FPR1: variants seen among roughly 807,000 people sequenced by gnomAD.
The protein encoded by FPR1 is formyl peptide receptor 1, also known as N-formyl peptide receptor 1.
For synonymous variants in FPR1, 193 were observed against 176.7 expected (o/e 1.09, Z -0.73); for missense variants, 407 against 453.0 (o/e 0.90, Z 0.92).
At chr19:51,749,509 G>C (rs1417469378) in intron 1 of FPR1, among the ~76,000 whole-genome samples, 1 of 152,126 alleles carries the variant, frequency 6.6e-6, no homozygotes, top group East Asian at 1.9e-4. Context: ...CCATTGGATG[G>C]GCTCAGCACT....
intron 1 of FPR1, 46 bp downstream of exon 1, chr19:51,751,768 G>C (rs2083782724): frequency 6.6e-6 from 1 of 152,254 alleles, no homozygotes; most frequent in East Asian, 1.9e-4. Context: ...AGTGTATTAA[G>C]TGTGTCTATG....
chr19:51,745,886 C>G lies in FPR1; in HGVS notation c.*56G>C, dbSNP rs2083739223. On this transcript the variant is annotated 3_prime_UTR_variant, in exon 2 of 2. Coordinates refer to ENST00000304748, the MANE Select transcript of FPR1 (RefSeq NM_002029.4). ...AGGAAATGCCTGTGGCTCAGCCTAA[C>G]TCAAGGTGAGACGAAGCTGGAGCTG... The G allele has an allele frequency of 6.9e-7, 1 of 1,448,106 alleles. No individual in the cohort carries two copies. Among genetic ancestry groups the G allele is most frequent in the Admixed American group, 1.8e-5 (1 of 56,654 alleles). The allele number at this position is 1,448,106 out of a possible 1,614,324, so 89.7% of individuals were successfully genotyped here.
At chr19:51,747,336 G>A (rs7253355) in intron 1 of FPR1, among the ~76,000 whole-genome samples, 40,055 of 151,234 alleles carry the variant, frequency 0.26, 5,496 homozygotes, top group Middle Eastern at 0.32. Context: ...CTGCCTCAGC[G>A]TCCTGAGTAG....
Position 51,747,974 on chromosome 19 carries a change from TAAC to T in FPR1, c.-11-972_-11-970del, listed in dbSNP as rs200621756. On this transcript the variant is annotated intron_variant, in intron 1 of 1. Coordinates refer to ENST00000304748, the MANE Select transcript of FPR1 (RefSeq NM_002029.4). The stretch of plus-strand genomic sequence containing the variant: ...AGCCACATAGCAAGATCCTCATCTC[TAAC>T]AACAACAACAACAAAATTAAATTAA... 5.4e-3 allele frequency among the ~76,000 whole-genome samples: 826 copies of T among 152,038 alleles called. 20 individuals are homozygous for T. In the East Asian group the frequency reaches 0.089, roughly 16 times the overall value.
chr19:51,746,061 G>A lies in FPR1; in HGVS notation c.934C>T (p.Leu312=), dbSNP rs2083741372. The A allele has an allele frequency of 6.2e-7, 1 of 1,614,186 alleles. No homozygotes were observed. Among genetic ancestry groups the A allele is most frequent in the Admixed American group, 1.7e-5 (1 of 60,030 alleles). The change falls in exon 2 of 2, where the codon CTG becomes TTG. Residue 312 remains leucine, a synonymous_variant. Coordinates refer to ENST00000304748, the MANE Select transcript of FPR1 (RefSeq NM_002029.4). This position sits in a 1 kb window ranked among gnomAD's most constrained non-coding sequence, Gnocchi z 4.3. ...AGACTGGCGGGAAGGGCGTGGATCA[G>A]CCTCTCCCGGAAGTCCTGGCCCATG... ...VFMGQDFRER[L]IHALPASLER...
At position 51,746,926 on chromosome 19, in the gene FPR1, G is replaced by C; in HGVS notation, c.69C>G (p.Leu23=). 1.2e-6 allele frequency: 2 copies of C among 1,614,158 alleles called. No individual in the cohort carries two copies. The highest frequency in any genetic ancestry group is 8.5e-7 in the Non-Finnish European group (1 of 1,180,028). The part of the protein sequence containing the change: ...GGTPAVSAGY[L]FLDIITYLVF... ...CCAGATAAGTGATGATATCCAGGAAGAGATAGCCAGCAGATACAGCAGGTG... is the reference window on the plus strand; with the variant it reads ...CCAGATAAGTGATGATATCCAGGAACAGATAGCCAGCAGATACAGCAGGTG... The change falls in exon 2 of 2, where the codon CTC becomes CTG. Residue 23 remains leucine, a synonymous_variant. Transcript: ENST00000304748. This position sits in a 1 kb window ranked among gnomAD's most constrained non-coding sequence, Gnocchi z 4.3.
rs2083744336 is a variant in FPR1 at position 51,746,332 on chromosome 19, A to C, written c.663T>G (p.Tyr221Ter). The change falls in exon 2 of 2, where the codon TAT (tyrosine) becomes TAG (stop). Residue 221 changes from tyrosine to a stop codon, truncating the protein, a stop_gained. Coordinates refer to ENST00000304748, the MANE Select transcript of FPR1 (RefSeq NM_002029.4). LOFTEE classifies it low-confidence loss of function (END_TRUNC). This position sits in a 1 kb window ranked among gnomAD's most constrained non-coding sequence, Gnocchi z 4.3. ...SAPMSIVAVS[Y>*]GLIATKIHKQ... The stretch of plus-strand genomic sequence containing the variant: ...TGTGGATCTTGGTGGCAATAAGCCC[A>C]TAACTGACAGCAACGATGGACATGG... The C allele has an allele frequency of 6.2e-7, 1 of 1,613,982 alleles. No individual in the cohort carries two copies. Among genetic ancestry groups the C allele is most frequent in the Non-Finnish European group, 8.5e-7 (1 of 1,180,028 alleles).
In FPR1 at chr19:51,746,912, A is replaced by G. The variant is rs781251860; in HGVS notation, c.83T>C (p.Ile28Thr). The stretch of plus-strand genomic sequence containing the variant: ...GGTGACTGCAAATACCAGATAAGTG[A>G]TGATATCCAGGAAGAGATAGCCAGC... ...VSAGYLFLDI[I>T]TYLVFAVTFV... The change falls in exon 2 of 2, where the codon ATC (isoleucine) becomes ACC (threonine). Residue 28 changes from isoleucine (I) to threonine (T), a missense_variant. Physicochemically the swap from Ile to Thr is moderately conservative, Grantham distance 89. Transcript: ENST00000304748. The surrounding 1 kb of genome is among the most constrained non-coding windows in gnomAD (Gnocchi z 4.3). 1 of 1,614,128 alleles carries G rather than the reference A, an allele frequency of 6.2e-7. No individual in the cohort carries two copies. The highest frequency in any genetic ancestry group is 1.7e-5 in the Admixed American group (1 of 60,016).
Position 51,746,235 on chromosome 19 carries a change from A to G in FPR1, c.760T>C (p.Trp254Arg). Residue 254 changes from tryptophan to arginine, a missense_variant, in exon 2 of 2, where the codon TGG (tryptophan) becomes CGG (arginine). Coordinates refer to ENST00000304748, the MANE Select transcript of FPR1 (RefSeq NM_002029.4). This position sits in a 1 kb window ranked among gnomAD's most constrained non-coding sequence, Gnocchi z 4.3. Reference protein sequence around the residue: ...SFVAAAFFLCWSPYQVVALIA... With the variant: ...SFVAAAFFLCRSPYQVVALIA... ...AGGGCCACCACCTGATATGGGGACC[A>G]GCAGAGAAAAAAGGCTGCTGCGACA... 6.2e-7 allele frequency: 1 copy of G among 1,614,196 alleles called. No individual in the cohort carries two copies. The highest frequency in any genetic ancestry group is 8.5e-7 in the Non-Finnish European group (1 of 1,180,032).
chr19:51,751,310 C>A (rs1160895183), intron 1 of FPR1, among the ~76,000 whole-genome samples: 2 of 152,170 alleles, frequency 1.3e-5, no homozygotes, highest in African/African-American at 2.4e-5. Flanking sequence ...TCTCCTGCAG[C>A]CTCATAGTGT....
chr19:51,751,527 C>T (rs1005567565), intron 1 of FPR1, among the ~76,000 whole-genome samples: 5 of 152,098 alleles, frequency 3.3e-5, no homozygotes, highest in South Asian at 2.1e-4. Flanking sequence ...GAATTACAGA[C>T]GCCCACCACC....
Position 51,746,063 on chromosome 19 carries a change from C to T in FPR1, c.932G>A (p.Arg311Lys). ...YVFMGQDFRE[R>K]LIHALPASLE... ...ACTGGCGGGAAGGGCGTGGATCAGC[C>T]TCTCCCGGAAGTCCTGGCCCATGAA... The change falls in exon 2 of 2, where the codon AGG (arginine) becomes AAG (lysine). Residue 311 changes from arginine to lysine, a missense_variant. Physicochemically the swap from Arg to Lys is conservative, Grantham distance 26 (BLOSUM62 2). Coordinates refer to ENST00000304748, the MANE Select transcript of FPR1 (RefSeq NM_002029.4). This position sits in a 1 kb window ranked among gnomAD's most constrained non-coding sequence, Gnocchi z 4.3. 2 of 1,614,204 alleles carry T rather than the reference C, an allele frequency of 1.2e-6. No homozygotes were observed. The highest frequency in any genetic ancestry group is 1.7e-6 in the Non-Finnish European group (2 of 1,180,042).
At chr19:51,750,563 G>A (rs763841912) in intron 1 of FPR1, 1 of 152,058 alleles carries the variant, frequency 6.6e-6, no homozygotes, top group Non-Finnish European at 1.5e-5. Flanking sequence ...AATACCCTGA[G>A]GACTCTTTGT....
chr19:51,746,381 C>T lies in FPR1; in HGVS notation c.614G>A (p.Arg205Gln), dbSNP rs751375183. The change falls in exon 2 of 2, where the codon CGG becomes CAG. Residue 205 changes from arginine (R) to glutamine (Q), a missense_variant. Arg to Gln is a conservative substitution (Grantham distance 43). Coordinates refer to ENST00000304748, the MANE Select transcript of FPR1 (RefSeq NM_002029.4). The surrounding 1 kb of genome is among the most constrained non-coding windows in gnomAD (Gnocchi z 4.3). Reference sequence around the variant, plus strand: ...GGGTGCGCTGAAGCCAATGATGAACCGGATGATGCCTCTCACCGTCAACAT... The same window carrying T: ...GGGTGCGCTGAAGCCAATGATGAACTGGATGATGCCTCTCACCGTCAACAT... ...VAMLTVRGII[R>Q]FIIGFSAPMS... 14 of 1,613,980 alleles carry T rather than the reference C, an allele frequency of 8.7e-6. No homozygotes were observed. Among genetic ancestry groups the T allele is most frequent in the African/African-American group, 8.0e-5 (6 of 74,874 alleles).
At chr19:51,748,722 A>T (rs1373155518) in intron 1 of FPR1, among the ~76,000 whole-genome samples, 1 of 152,130 alleles carries the variant, frequency 6.6e-6, no homozygotes, top group African/African-American at 2.4e-5. Flanking sequence ...CGGCGTCCCA[A>T]AGTGCTGAGA....
chr19:51,746,286 T>C lies in FPR1; in HGVS notation c.709A>G (p.Ser237Gly). The C allele has an allele frequency of 6.2e-7, 1 of 1,614,070 alleles. No homozygotes were observed. Among genetic ancestry groups the C allele is most frequent in the Non-Finnish European group, 8.5e-7 (1 of 1,180,018 alleles). Residue 237 changes from serine to glycine, a missense_variant, in exon 2 of 2, where the codon AGT becomes GGT. Coordinates refer to ENST00000304748, the MANE Select transcript of FPR1 (RefSeq NM_002029.4). The surrounding 1 kb of genome is among the most constrained non-coding windows in gnomAD (Gnocchi z 4.3). ...KIHKQGLIKS[S>G]RPLRVLSFVA... ...AAGGAGAGGACCCGTAAGGGACGACTGGACTTAATCAAGCCTTGCTTGTGG... is the reference window on the plus strand; with the variant it reads ...AAGGAGAGGACCCGTAAGGGACGACCGGACTTAATCAAGCCTTGCTTGTGG...
Position 51,745,856 on chromosome 19 carries a change from T to C in FPR1, c.*86A>G. 2 of 1,087,578 alleles carry C rather than the reference T, an allele frequency of 1.8e-6. No individual in the cohort carries two copies. The highest frequency in any genetic ancestry group is 1.3e-6 in the Non-Finnish European group (1 of 745,570). 67.4% of individuals were successfully genotyped at this position (1,087,578 alleles called of 1,614,324 possible). A position where few individuals can be genotyped will look rare whatever the true frequency, so the allele number is the denominator to read the frequency against. ...TTCTGATGAGTGGGTAATCCTAAAATAAGCAGGAAATGCCTGTGGCTCAGC... is the reference window on the plus strand; with the variant it reads ...TTCTGATGAGTGGGTAATCCTAAAACAAGCAGGAAATGCCTGTGGCTCAGC... On this transcript the variant is annotated 3_prime_UTR_variant, in exon 2 of 2. Coordinates refer to ENST00000304748, the MANE Select transcript of FPR1 (RefSeq NM_002029.4).
At chr19:51,751,429 C>T (rs1488684290) in intron 1 of FPR1, among the ~76,000 whole-genome samples, 1 of 152,120 alleles carries the variant, frequency 6.6e-6, no homozygotes, top group Non-Finnish European at 1.5e-5. Context: ...GTCACCTAGG[C>T]TGGAGTACAG....
In FPR1 at chr19:51,746,973, G is replaced by T; in HGVS notation, c.22C>A (p.Pro8Thr). ...GGTGTCCCTCCAGAGATGTTCGTGG[G>T]GAGAGAGGAATTTGTCTCCATCTTG... is the stretch of plus-strand genomic sequence containing the variant. METNSSL[P>T]TNISGGTPAV... is the part of the protein sequence containing the mutation. The change falls in exon 2 of 2, where the codon CCC becomes ACC. Residue 8 changes from proline to threonine, a missense_variant. Physicochemically the swap from Pro to Thr is conservative, Grantham distance 38. Transcript: ENST00000304748. The surrounding 1 kb of genome is among the most constrained non-coding windows in gnomAD (Gnocchi z 4.3). 6.2e-7 allele frequency: 1 copy of T among 1,612,266 alleles called. No homozygotes were observed. The highest frequency in any genetic ancestry group is 8.5e-7 in the Non-Finnish European group (1 of 1,178,628).
Sources: gnomAD v4.1 joint callset for allele counts (sites outside exome capture counted in the v4.1 genomes callset) on GRCh38, gnomAD v4.1.1 for gene constraint, Gnocchi (gnomAD v3.1) non-coding constraint, MANE v1.5 for transcripts, NCBI Gene and HGNC (gene_info 2026-07-23, HGNC 2026-07-21) for gene names.